Variants in COX10 observed in about 807,000 individuals in gnomAD.
COX10 encodes the protein cytochrome c oxidase assembly factor heme A:farnesyltransferase COX10.
A neutral mutation model predicts 37.3 loss-of-function variants in COX10; 27 were observed. That is an observed-to-expected ratio of 0.72 (90% CI 0.53 to 1.00). The LOEUF is 1.00. Among genes scored for constraint, COX10 ranks in the 50% least tolerant of loss-of-function variants. The pLI, the probability that COX10 is intolerant of heterozygous loss-of-function variation, is 0.00. For synonymous variants in COX10, 222 were observed against 229.1 expected (o/e 0.97, Z 0.28); for missense variants, 475 against 563.2 (o/e 0.84, Z 1.59).
chr17:14,120,523 A>G (rs116322667), intron 4 of COX10, among the ~76,000 whole-genome samples: 2,492 of 152,286 alleles, frequency 0.016, 79 homozygotes, highest in African/African-American at 0.056. Flanking sequence ...AGGTGATGTG[A>G]ACTGAAGACT....
Position 14,208,505 on chromosome 17 carries a change from C to G in COX10, c.*1292C>G, listed in dbSNP as rs1338308762. ...AAAGGGATTGTAGGTAGATAACATC[C>G]AATCACTGTTTGCACTTATCTGAAA... On this transcript the variant is annotated 3_prime_UTR_variant, in exon 7 of 7. Transcript: ENST00000261643. 3 of 152,192 alleles carry G rather than the reference C, an allele frequency of 2.0e-5. No individual in the cohort carries two copies. 9.4% of individuals were successfully genotyped at this position (152,192 alleles called of 1,614,324 possible). A position where few individuals can be genotyped will look rare whatever the true frequency, so the allele number is the denominator to read the frequency against.
chr17:14,083,157 T>G (rs1240790101), intron 3 of COX10, among the ~76,000 whole-genome samples: 2 of 152,194 alleles, frequency 1.3e-5, no homozygotes, highest in African/African-American at 4.8e-5. Flanking sequence ...CCCAGGGCAG[T>G]AAATTTCCCT....
Position 14,207,474 on chromosome 17 carries a change from C to T in COX10, c.*261C>T, listed in dbSNP as rs1906746417. On this transcript the variant is annotated 3_prime_UTR_variant, in exon 7 of 7. Transcript: ENST00000261643. Reference sequence around the variant, plus strand: ...GGGTCTTTATACATCTCTCCTCCAACCCCACCCTCTATTCTGTTTCTTCCT... The same window carrying T: ...GGGTCTTTATACATCTCTCCTCCAATCCCACCCTCTATTCTGTTTCTTCCT... 1 of 469,292 alleles carries T rather than the reference C, an allele frequency of 2.1e-6. No individual in the cohort carries two copies. The highest frequency in any genetic ancestry group is 3.8e-6 in the Non-Finnish European group (1 of 265,270). 29.1% of individuals were successfully genotyped at this position (469,292 alleles called of 1,614,324 possible). A position where few individuals can be genotyped will look rare whatever the true frequency, so the allele number is the denominator to read the frequency against.
At chr17:14,087,787 G>A (rs1229738755) in intron 3 of COX10, among the ~76,000 whole-genome samples, 1 of 151,638 alleles carries the variant, frequency 6.6e-6, no homozygotes, top group African/African-American at 2.4e-5. Context: ...TCTGCATATG[G>A]TATGTCTGTG....
At chr17:14,113,961 T>C (rs1405722040) in intron 4 of COX10, among the ~76,000 whole-genome samples, 4 of 152,184 alleles carry the variant, frequency 2.6e-5, no homozygotes, top group Non-Finnish European at 4.4e-5. Flanking sequence ...ATTGTATCTT[T>C]CCATGTGAAA....
chr17:14,158,407 A>G (rs1158422710), intron 4 of COX10, among the ~76,000 whole-genome samples: 2 of 151,376 alleles, frequency 1.3e-5, no homozygotes, highest in South Asian at 2.1e-4. Flanking sequence ...CATTTTTAAC[A>G]TATACTTCTT....
In COX10 at chr17:14,124,058, C is replaced by T. The variant is rs559749673; in HGVS notation, c.624+21816C>T. On this transcript the variant is annotated intron_variant, in intron 4 of 6. Transcript: ENST00000261643. Reference sequence around the variant, plus strand: ...GTTGATTGCATGGTGGTTAGTTTCACATTTCTCACTCCTGTCAAGGTGACT... The same window carrying T: ...GTTGATTGCATGGTGGTTAGTTTCATATTTCTCACTCCTGTCAAGGTGACT... Among the ~76,000 whole-genome samples the T allele has an allele frequency of 2.0e-5, 3 of 152,248 alleles. No individual in the cohort carries two copies. The South Asian group carries it at 6.2e-4, about 32-fold the overall frequency.
intron 5 of COX10, among the ~76,000 whole-genome samples, chr17:14,163,915 T>G (rs1905223160): frequency 6.6e-6 from 1 of 152,240 alleles, no homozygotes; most frequent in Admixed American, 6.5e-5. Context: ...GTATTTCATC[T>G]GCACATCATT....
chr17:14,190,642 G>A (rs986331167), intron 5 of COX10, among the ~76,000 whole-genome samples: 2 of 152,016 alleles, frequency 1.3e-5, no homozygotes, highest in African/African-American at 2.4e-5. Flanking sequence ...TGGTAGAGTG[G>A]TGGCCAGAAT....
At chr17:14,096,865 G>T (rs891574189) in intron 3 of COX10, among the ~76,000 whole-genome samples, 6 of 152,026 alleles carry the variant, frequency 3.9e-5, no homozygotes, top group Admixed American at 1.3e-4. Context: ...GAAGCTTGAG[G>T]TTCTCTACCT....
At chr17:14,132,884 T>C (rs1916497954) in intron 4 of COX10, among the ~76,000 whole-genome samples, 1 of 151,724 alleles carries the variant, frequency 6.6e-6, no homozygotes, top group Non-Finnish European at 1.5e-5. Context: ...TTATTAATAA[T>C]CTAATAATGT....
At chr17:14,105,326 A>G (rs772243010) in intron 4 of COX10, among the ~76,000 whole-genome samples, 3 of 152,270 alleles carry the variant, frequency 2.0e-5, no homozygotes, top group Non-Finnish European at 4.4e-5. Flanking sequence ...TTTTGCTTCT[A>G]TAAGTAACAC....
At chr17:14,109,341 T>C (rs1385000885) in intron 4 of COX10, among the ~76,000 whole-genome samples, 1 of 152,196 alleles carries the variant, frequency 6.6e-6, no homozygotes, top group Non-Finnish European at 1.5e-5. Context: ...AATTTCTAAA[T>C]TACATTTGAT....
chr17:14,202,649 G>A (rs981624725), intron 6 of COX10, among the ~76,000 whole-genome samples: 2 of 152,036 alleles, frequency 1.3e-5, no homozygotes, highest in Non-Finnish European at 2.9e-5. Context: ...ATAGTCAAAA[G>A]TAAAACCGTT....
At chr17:14,188,476 TAAAA>T (rs57991104) in intron 5 of COX10, among the ~76,000 whole-genome samples, 2 of 148,932 alleles carry the variant, frequency 1.3e-5, no homozygotes, top group Non-Finnish European at 3.0e-5. Context: ...AGATAAAAAT[TAAAA>T]AAAAAAAACT....
intron 5 of COX10, among the ~76,000 whole-genome samples, chr17:14,185,478 C>T (rs1196182713): frequency 6.6e-6 from 1 of 151,614 alleles, no homozygotes; most frequent in Non-Finnish European, 1.5e-5. Flanking sequence ...AAAATGAACA[C>T]TCTTTTCTAA....
chr17:14,176,150 T>C (rs150880583), intron 5 of COX10, among the ~76,000 whole-genome samples: 347 of 152,188 alleles, frequency 2.3e-3, no homozygotes, highest in African/African-American at 8.1e-3. Context: ...AGTGAAGTTC[T>C]GCTGTTACTC....
chr17:14,137,196 A>G (rs951826303), intron 4 of COX10, among the ~76,000 whole-genome samples: 12 of 151,768 alleles, frequency 7.9e-5, no homozygotes, highest in African/African-American at 2.9e-4. Flanking sequence ...TGTTTTCTTC[A>G]ACCCAGTAAT....
At chr17:14,171,786 G>GA (rs1180540687) in intron 5 of COX10, among the ~76,000 whole-genome samples, 5 of 150,810 alleles carry the variant, frequency 3.3e-5, no homozygotes, top group African/African-American at 1.2e-4. Context: ...TAGTTCCTCT[G>GA]AAAATCTATT....
Sources: allele counts gnomAD v4.1 joint callset (sites outside exome capture counted in the v4.1 genomes callset), GRCh38; gene constraint gnomAD v4.1.1; transcripts MANE v1.5; gene names NCBI Gene and HGNC (gene_info 2026-07-23, HGNC 2026-07-21).